PITPNC1: variants seen among roughly 807,000 people sequenced by gnomAD.
The protein encoded by PITPNC1 is phosphatidylinositol transfer protein cytoplasmic 1.
PITPNC1 carries 18 observed loss-of-function variants against 44.7 expected under a neutral mutation model. The observed-to-expected ratio is 0.40, with a 90% CI of 0.28 to 0.60. PITPNC1 has a LOEUF of 0.60. PITPNC1 is among the 20% of genes least tolerant of loss of function. The pLI is 0.39. For missense variants in PITPNC1, 290 were observed against 418.4 expected, an observed-to-expected ratio of 0.69 and a Z score of 2.68; for synonymous variants, 141 against 149.6, an observed-to-expected ratio of 0.94 and a Z score of 0.42.
In PITPNC1 at chr17:67,495,045, TTTTTTTG is replaced by T. The variant is rs1265120695; in HGVS notation, c.49-37750_49-37744del. Among the ~76,000 whole-genome samples the T allele has an allele frequency of 5.6e-3, 347 of 61,982 alleles. 18 individuals carry two copies. Among genetic ancestry groups the T allele is most frequent in the South Asian group, 0.022 (37 of 1,712 alleles). 40.7% of individuals were successfully genotyped at this position (61,982 alleles called of 152,430 possible). ...CAATATTGAGCCATGGAGTTGTTTTTTTTTTTGTTTTTTTTTTTTTTTTTTTTTTGAG... is the reference window on the plus strand; with the variant it reads ...CAATATTGAGCCATGGAGTTGTTTTTTTTTTTTTTTTTTTTTTTTTTTGAG... On this transcript the variant is annotated intron_variant, in intron 1 of 8. Transcript: ENST00000581322.
chr17:67,622,509 C>G (rs2041846500), intron 5 of PITPNC1, among the ~76,000 whole-genome samples: 2 of 134,710 alleles, frequency 1.5e-5, no homozygotes, highest in South Asian at 4.6e-4. Context: ...TGGTGGTAGC[C>G]TGGACTTTTT....
At chr17:67,621,966 T>A (rs1180702388) in intron 5 of PITPNC1, among the ~76,000 whole-genome samples, 6 of 152,106 alleles carry the variant, frequency 3.9e-5, no homozygotes, top group Admixed American at 2.0e-4. Context: ...GCAAAAACTA[T>A]GATTACTTTT....
chr17:67,534,259 C>A (rs942705778), intron 2 of PITPNC1, among the ~76,000 whole-genome samples: 1 of 152,214 alleles, frequency 6.6e-6, no homozygotes, highest in African/African-American at 2.4e-5. Flanking sequence ...ATCTTCTCCC[C>A]ATCCTATACT....
At chr17:67,675,282 G>A (rs1368825499) in intron 7 of PITPNC1, among the ~76,000 whole-genome samples, 197 bp from the exon 8 acceptor site, 1 of 152,166 alleles carries the variant, frequency 6.6e-6, no homozygotes, top group East Asian at 1.9e-4. Context: ...TACTGCAAGT[G>A]TGTGTACACC....
chr17:67,648,802 A>G (rs2042178616), intron 6 of PITPNC1, among the ~76,000 whole-genome samples: 1 of 152,154 alleles, frequency 6.6e-6, no homozygotes, highest in African/African-American at 2.4e-5. Flanking sequence ...CCTCACCCCA[A>G]TCCCATGTGA....
intron 1 of PITPNC1, among the ~76,000 whole-genome samples, chr17:67,492,129 T>A (rs1441049289): frequency 6.6e-6 from 1 of 151,988 alleles, no homozygotes; most frequent in Non-Finnish European, 1.5e-5. Flanking sequence ...GTCAGAAAAG[T>A]TCATGCATGC....
intron 1 of PITPNC1, among the ~76,000 whole-genome samples, chr17:67,423,549 A>T (rs1598642469): frequency 1.3e-5 from 2 of 152,308 alleles, no homozygotes; most frequent in South Asian, 4.1e-4. Flanking sequence ...ATGCTCATTT[A>T]AATGAAAGTC....
chr17:67,539,462 C>G (rs989988474), intron 2 of PITPNC1, among the ~76,000 whole-genome samples: 1 of 152,164 alleles, frequency 6.6e-6, no homozygotes, highest in Non-Finnish European at 1.5e-5. Flanking sequence ...ATGGAAAATT[C>G]CACAGCAGTT....
rs1568047840 is a variant in PITPNC1 at position 67,575,858 on chromosome 17, CCTTCCTTCTTTCTTTCTTTCCTTTTT to C, written c.295-2327_295-2302del. 6.3e-4 allele frequency among the ~76,000 whole-genome samples: 11 copies of C among 17,534 alleles called. 1 individual carries two copies. Among genetic ancestry groups the C allele is most frequent in the Non-Finnish European group, 1.4e-3 (9 of 6,440 alleles). 11.5% of individuals were successfully genotyped at this position (17,534 alleles called of 152,430 possible). ...TCCTTCCTTCTTTCTTTCTTTCTTT[CCTTCCTTCTTTCTTTCTTTCCTTTTT>C]TTTTTTTTTTGAGACTGAGTCTCAC... On this transcript the variant is annotated intron_variant, in intron 4 of 8. Coordinates refer to ENST00000581322, the MANE Select transcript of PITPNC1 (RefSeq NM_012417.4).
chr17:67,504,915 C>A (rs1188329703), intron 1 of PITPNC1, among the ~76,000 whole-genome samples: 1 of 152,178 alleles, frequency 6.6e-6, no homozygotes, highest in African/African-American at 2.4e-5. Flanking sequence ...AGCTGTGTCA[C>A]TTAAGTTTTG....
chr17:67,568,208 T>C (rs905221796), intron 4 of PITPNC1, among the ~76,000 whole-genome samples: 1 of 152,178 alleles, frequency 6.6e-6, no homozygotes, highest in Non-Finnish European at 1.5e-5. Context: ...AGAACATGGA[T>C]GAGCCTTGAA....
At chr17:67,510,102 C>T (rs568804302) in intron 1 of PITPNC1, among the ~76,000 whole-genome samples, 12 of 152,324 alleles carry the variant, frequency 7.9e-5, no homozygotes, top group African/African-American at 2.6e-4. Context: ...TGCTGAAACA[C>T]TTGAAGCTGA....
intron 2 of PITPNC1, among the ~76,000 whole-genome samples, chr17:67,549,429 GT>G (rs1219112602): frequency 6.6e-6 from 1 of 152,176 alleles, no homozygotes; most frequent in Non-Finnish European, 1.5e-5. Context: ...AATGATCGTG[GT>G]TTTTTAGGCC....
chr17:67,531,482 G>T (rs1259427096), intron 1 of PITPNC1, among the ~76,000 whole-genome samples: 1 of 152,118 alleles, frequency 6.6e-6, no homozygotes, highest in African/African-American at 2.4e-5. Context: ...TGGTTACTGG[G>T]CTCGGTCCCC....
At chr17:67,492,242 C>T (rs962297510) in intron 1 of PITPNC1, among the ~76,000 whole-genome samples, 2 of 152,072 alleles carry the variant, frequency 1.3e-5, no homozygotes, top group African/African-American at 4.8e-5. Context: ...TGGAAGGAGA[C>T]CTTTGCAGAC....
chr17:67,592,282 G>A (rs1274378675), intron 5 of PITPNC1, among the ~76,000 whole-genome samples: 1 of 151,974 alleles, frequency 6.6e-6, no homozygotes. Context: ...ATCATCAATA[G>A]CAACATAACA....
intron 1 of PITPNC1, among the ~76,000 whole-genome samples, chr17:67,419,477 T>C (rs2038636912): frequency 6.6e-6 from 1 of 152,184 alleles, no homozygotes; most frequent in Admixed American, 6.6e-5. Flanking sequence ...TCCTTTAATG[T>C]AAGAGCTGGC....
intron 1 of PITPNC1, among the ~76,000 whole-genome samples, chr17:67,531,250 C>CA (rs1568028937): frequency 6.6e-6 from 1 of 151,444 alleles, no homozygotes. Context: ...CTCAAACAAA[C>CA]AAAAAAAAGA....
At chr17:67,664,886 C>A (rs1481096472) in intron 6 of PITPNC1, among the ~76,000 whole-genome samples, 4 of 143,252 alleles carry the variant, frequency 2.8e-5, no homozygotes, top group African/African-American at 1.0e-4. Context: ...GCCTGGGCGA[C>A]AGAGCGAGAC....
Sources: allele counts gnomAD v4.1 joint callset (sites outside exome capture counted in the v4.1 genomes callset), GRCh38; gene constraint gnomAD v4.1.1; transcripts MANE v1.5; gene names NCBI Gene and HGNC (gene_info 2026-07-23, HGNC 2026-07-21).